The following DLG5 variants were observed in gnomAD, a reference collection of about 807,000 sequenced individuals.
DLG5 encodes discs large MAGUK scaffold protein 5, also known as disks large homolog 5.
DLG5 carries 48 observed loss-of-function variants against 189.8 expected under a neutral mutation model. The ratio of observed to expected loss-of-function variants is 0.25; its 90% CI spans 0.20 to 0.32. The LOEUF (loss-of-function observed/expected upper bound fraction) is 0.32. Among genes scored for constraint, DLG5 ranks in the 10% least tolerant of loss-of-function variants. The pLI is 1.00. For synonymous variants in DLG5, 1,016 were observed against 1,054.1 expected (o/e 0.96, Z 0.70); for missense variants, 2,160 against 2,544.7 (o/e 0.85, Z 3.25).
At position 77,880,688 on chromosome 10, in the gene DLG5, T is replaced by A. The variant is rs181875474; in HGVS notation, c.305-11491A>T. ...AGCATTAGGGAGACCCTTCAGTGTA[T>A]ACTAGGCATCCTACATGGCACAGCT... On this transcript the variant is annotated intron_variant, in intron 1 of 31. Coordinates refer to ENST00000372391, the MANE Select transcript of DLG5 (RefSeq NM_004747.4). 7.5e-4 allele frequency among the ~76,000 whole-genome samples: 114 copies of A among 152,326 alleles called. 1 individual carries two copies. The highest frequency in any genetic ancestry group is 2.6e-3 in the African/African-American group (109 of 41,576).
At chr10:77,901,134 A>G (rs975448137) in intron 1 of DLG5, among the ~76,000 whole-genome samples, 4 of 152,034 alleles carry the variant, frequency 2.6e-5, no homozygotes, top group Admixed American at 1.3e-4. Context: ...AAAAAAAAGA[A>G]AAGAGAAGAA....
intron 1 of DLG5, among the ~76,000 whole-genome samples, chr10:77,876,748 G>GAAGGA (rs1564569784): frequency 8.1e-6 from 1 of 123,924 alleles, no homozygotes; most frequent in Non-Finnish European, 1.7e-5. Context: ...AGGAAGGAAG[G>GAAGGA]AAAAAAAAAA....
Position 77,817,063 on chromosome 10 carries a change from C to T in DLG5, c.3818G>A (p.Arg1273His), listed in dbSNP as rs1842094755. The T allele has an allele frequency of 2.5e-6, 4 of 1,614,176 alleles. No individual in the cohort carries two copies. Among genetic ancestry groups the T allele is most frequent in the Admixed American group, 1.7e-5 (1 of 60,018 alleles). ...TCTTGGTGTTGATGGGATTTTAATG[C>T]GTTCCGCCTTGAACTGCAAGTTACT... ...SSSNLQFKAE[R>H]IKIPSTPRYP... The change falls in exon 19 of 32, where the codon CGC becomes CAC. Residue 1273 changes from arginine to histidine, a missense_variant. This residue lies in a region of DLG5 where 754 missense variants were observed against 746.5 expected (regional missense o/e 1.01). Coordinates refer to ENST00000372391, the MANE Select transcript of DLG5 (RefSeq NM_004747.4).
chr10:77,805,536 A>T, intron 27 of DLG5, 129 bp downstream of exon 27: 2 of 1,085,698 alleles, frequency 1.8e-6, no homozygotes, highest in Non-Finnish European at 1.3e-6. Context: ...CAAGCCGAAC[A>T]CACACCTTCA....
At chr10:77,871,314 G>A (rs553740401) in intron 1 of DLG5, among the ~76,000 whole-genome samples, 4 of 152,196 alleles carry the variant, frequency 2.6e-5, no homozygotes, top group East Asian at 3.9e-4. Context: ...GAGACAGTGA[G>A]GGAGGCCCAG....
intron 1 of DLG5, among the ~76,000 whole-genome samples, chr10:77,922,755 C>T (rs954457447): frequency 6.6e-6 from 1 of 152,188 alleles, no homozygotes; most frequent in African/African-American, 2.4e-5. Context: ...AGATAGGACA[C>T]AAAATCCTGA....
chr10:77,869,358 CTGGA>C, intron 1 of DLG5, 161 bp from the exon 2 acceptor site: 2 of 654,264 alleles, frequency 3.1e-6, no homozygotes, highest in South Asian at 3.5e-5. Context: ...CTCAGCAGAT[CTGGA>C]CTTCGGTGTT....
At chr10:77,865,879 C>T (rs1298906538) in intron 2 of DLG5, among the ~76,000 whole-genome samples, 1 of 152,144 alleles carries the variant, frequency 6.6e-6, no homozygotes, top group African/African-American at 2.4e-5. Context: ...CGAGACCCGA[C>T]AGACCGCCTG....
chr10:77,924,993 G>A (rs1564600748), intron 1 of DLG5, among the ~76,000 whole-genome samples: 1 of 152,234 alleles, frequency 6.6e-6, no homozygotes, highest in East Asian at 1.9e-4. Context: ...CCTTCAGGTT[G>A]CTAAGGGCAG....
At chr10:77,822,932 G>T (rs1028782709) in intron 14 of DLG5, among the ~76,000 whole-genome samples, 2 of 152,102 alleles carry the variant, frequency 1.3e-5, no homozygotes, top group South Asian at 2.1e-4. Context: ...ATAAATATGG[G>T]GAGCATAGGG....
chr10:77,838,837 C>T (rs996244294), intron 7 of DLG5, among the ~76,000 whole-genome samples: 4 of 152,184 alleles, frequency 2.6e-5, no homozygotes, highest in Non-Finnish European at 5.9e-5. Context: ...CTGCTCTTGC[C>T]GGTGGAGAGT....
At chr10:77,804,062 T>C (rs1420734036) in intron 27 of DLG5, among the ~76,000 whole-genome samples, 2 of 152,072 alleles carry the variant, frequency 1.3e-5, no homozygotes, top group Non-Finnish European at 2.9e-5. Context: ...GGCTAATTTT[T>C]GTATTTTTTA....
chr10:77,910,700 C>T (rs1218606319), intron 1 of DLG5, among the ~76,000 whole-genome samples: 1 of 152,152 alleles, frequency 6.6e-6, no homozygotes, highest in Non-Finnish European at 1.5e-5. Flanking sequence ...GGCCGGGCGT[C>T]GTGGTTCACA....
At chr10:77,895,238 T>C (rs111952613) in intron 1 of DLG5, among the ~76,000 whole-genome samples, 122 of 152,244 alleles carry the variant, frequency 8.0e-4, no homozygotes, top group Middle Eastern at 6.8e-3. Flanking sequence ...TCCCCGCCAA[T>C]GCCGTTTCAC....
At chr10:77,936,253 C>A in the DLG5 span, among the ~76,000 whole-genome samples, 1 of 152,084 alleles carries the variant, frequency 6.6e-6, no homozygotes, top group African/African-American at 2.4e-5. Context: ...TCCCAGCCAA[C>A]ATAGTGAAAT....
intron 13 of DLG5, among the ~76,000 whole-genome samples, chr10:77,826,702 C>G (rs1473210030): frequency 2.0e-5 from 3 of 152,236 alleles, no homozygotes; most frequent in Non-Finnish European, 2.9e-5. Context: ...AATCCCAGCA[C>G]TTTGAGAGGC....
At chr10:77,881,662 T>C (rs1845285405) in intron 1 of DLG5, among the ~76,000 whole-genome samples, 1 of 152,202 alleles carries the variant, frequency 6.6e-6, no homozygotes, top group African/African-American at 2.4e-5. Flanking sequence ...CAATGGAGTT[T>C]CAGGAAGCTG....
chr10:77,799,998 C>T (rs975011105), intron 27 of DLG5, among the ~76,000 whole-genome samples: 7 of 152,036 alleles, frequency 4.6e-5, no homozygotes, highest in African/African-American at 1.7e-4. Flanking sequence ...CCGCACAAGC[C>T]CCTAAAAGAG....
At chr10:77,908,888 T>C (rs556035677) in intron 1 of DLG5, among the ~76,000 whole-genome samples, 1 of 152,226 alleles carries the variant, frequency 6.6e-6, no homozygotes. Context: ...AAGCACAAAA[T>C]GGAAGGTGAG....
Sources: allele counts gnomAD v4.1 joint callset (sites outside exome capture counted in the v4.1 genomes callset), GRCh38; gene constraint gnomAD v4.1.1; regional missense constraint gnomAD v4.1.1; transcripts MANE v1.5; gene names NCBI Gene and HGNC (gene_info 2026-07-23, HGNC 2026-07-21).